CHD7: variants seen among roughly 807,000 people sequenced by gnomAD.
CHD7 encodes the protein ATP-dependent chromatin remodeler CHD7.
A neutral mutation model predicts 307.3 loss-of-function variants in CHD7; 24 were observed. That is an observed-to-expected ratio of 0.08 (90% CI 0.06 to 0.11). The LOEUF is 0.11. Among genes scored for constraint, CHD7 ranks in the 10% least tolerant of loss-of-function variants. The pLI is 1.00. For missense variants in CHD7, 3,106 were observed against 3,727.1 expected (o/e 0.83, Z 4.34); for synonymous variants, 1,363 against 1,349.9 (o/e 1.01, Z -0.21).
At chr8:60,818,630 A>T (rs1165773638) in intron 8 of CHD7, among the ~76,000 whole-genome samples, 2 of 152,150 alleles carry the variant, frequency 1.3e-5, no homozygotes, top group Non-Finnish European at 2.9e-5. Flanking sequence ...AGCCTGAGAT[A>T]CTTGAGACAT....
chr8:60,720,615 A>G (rs919538197), intron 1 of CHD7, among the ~76,000 whole-genome samples: 1 of 152,138 alleles, frequency 6.6e-6, no homozygotes, highest in Non-Finnish European at 1.5e-5. Flanking sequence ...ACTGAATATC[A>G]TCTCCGTGAG....
chr8:60,750,769 A>G (rs1357207850), intron 2 of CHD7, among the ~76,000 whole-genome samples: 1 of 152,176 alleles, frequency 6.6e-6, no homozygotes, highest in African/African-American at 2.4e-5. Context: ...TAAACAGCAC[A>G]TGCTAGACTC....
At chr8:60,725,033 C>A (rs1406721409) in intron 1 of CHD7, among the ~76,000 whole-genome samples, 1 of 152,168 alleles carries the variant, frequency 6.6e-6, no homozygotes, top group Non-Finnish European at 1.5e-5. Flanking sequence ...TTTAAAAGAA[C>A]TGTTATCTTT....
In CHD7 at chr8:60,775,363, T is replaced by TA. The variant is rs137934348; in HGVS notation, c.1666-5637_1666-5636insA. On this transcript the variant is annotated intron_variant, in intron 2 of 37. Transcript: ENST00000423902. ...ATTCTTATATGCTTATACTACTTTA[T>TA]TCCTACCAGTAACTTAAATTGAGAA... 9.3e-5 allele frequency among the ~76,000 whole-genome samples: 14 copies of TA among 151,292 alleles called. No individual in the cohort carries two copies. The East Asian group carries it at 1.4e-3, about 15-fold the overall frequency.
chr8:60,806,762 G>T (rs1312749713), intron 6 of CHD7, among the ~76,000 whole-genome samples: 1 of 152,144 alleles, frequency 6.6e-6, no homozygotes. Context: ...CATCACTTTG[G>T]GAGGCTGAGA....
chr8:60,693,987 C>G (rs1287289430), intron 1 of CHD7, among the ~76,000 whole-genome samples: 1 of 152,248 alleles, frequency 6.6e-6, no homozygotes, highest in Non-Finnish European at 1.5e-5. Context: ...TTTCAGAAAG[C>G]TGGGTCTATC....
intron 2 of CHD7, among the ~76,000 whole-genome samples, chr8:60,780,669 T>C (rs1282714729): frequency 6.6e-6 from 1 of 152,244 alleles, no homozygotes; most frequent in African/African-American, 2.4e-5. Flanking sequence ...GGCTTAGTCT[T>C]GGTGCTGTTT....
chr8:60,810,380 A>AGAGTGTGTGT lies in CHD7; in HGVS notation c.2498+2109_2498+2110insAGTGTGTGTG, dbSNP rs534826288. On this transcript the variant is annotated intron_variant, in intron 7 of 37. Coordinates refer to ENST00000423902, the MANE Select transcript of CHD7 (RefSeq NM_017780.4). ...GTGGATAGGACTGGGAGAGAGAGAG[A>AGAGTGTGTGT]GTGTGTGTGTGTGTGTGTGTGTGTG... Among the ~76,000 whole-genome samples the AGAGTGTGTGT allele has an allele frequency of 2.4e-3, 355 of 146,080 alleles. 1 individual carries two copies. Among genetic ancestry groups the AGAGTGTGTGT allele is most frequent in the Non-Finnish European group, 3.9e-3 (258 of 66,498 alleles).
chr8:60,777,218 A>G (rs777702897), intron 2 of CHD7, among the ~76,000 whole-genome samples: 1 of 152,108 alleles, frequency 6.6e-6, no homozygotes, highest in Non-Finnish European at 1.5e-5. Context: ...TTTGTATGTA[A>G]ATAAACATGT....
Position 60,848,620 on chromosome 8 carries a change from C to T in CHD7, c.5300+16C>T. 1 of 1,590,996 alleles carries T rather than the reference C, an allele frequency of 6.3e-7. No individual in the cohort carries two copies. Among genetic ancestry groups the T allele is most frequent in the African/African-American group, 1.3e-5 (1 of 74,576 alleles). On this transcript the variant is annotated intron_variant, in intron 24 of 37. Transcript: ENST00000423902. The stretch of plus-strand genomic sequence containing the variant: ...CTGACTCAAGGTTAGTGCGAGCTCA[C>T]ATTTGTTCTCAACCTCAGTGAGATA...
intron 1 of CHD7, among the ~76,000 whole-genome samples, chr8:60,717,366 A>C (rs188026987): frequency 1.1e-3 from 170 of 152,352 alleles, no homozygotes; most frequent in African/African-American, 3.7e-3. Context: ...CTGAGGGCAC[A>C]AAGTTATTTC....
intron 15 of CHD7, among the ~76,000 whole-genome samples, chr8:60,835,583 A>G (rs1017819318): frequency 1.3e-5 from 2 of 152,222 alleles, no homozygotes; most frequent in Middle Eastern, 3.2e-3. Context: ...CTATATTAAT[A>G]TGCAATTATA....
intron 4 of CHD7, among the ~76,000 whole-genome samples, chr8:60,798,736 C>A (rs898303314): frequency 6.6e-6 from 1 of 152,046 alleles, no homozygotes; most frequent in Admixed American, 6.5e-5. Context: ...ATTTTTATTT[C>A]TTCTTTGTGC....
At chr8:60,706,508 A>G (rs1416740106) in intron 1 of CHD7, among the ~76,000 whole-genome samples, 2 of 152,194 alleles carry the variant, frequency 1.3e-5, no homozygotes, top group Non-Finnish European at 2.9e-5. Flanking sequence ...GTAATACTAG[A>G]CTACTTGTTA....
chr8:60,784,834 A>G (rs987600088), intron 3 of CHD7, among the ~76,000 whole-genome samples: 3 of 152,234 alleles, frequency 2.0e-5, no homozygotes, highest in African/African-American at 4.8e-5. Context: ...AGAAAAAGAC[A>G]TGTAAAACCT....
At chr8:60,789,451 A>C (rs957979269) in intron 3 of CHD7, among the ~76,000 whole-genome samples, 2 of 152,212 alleles carry the variant, frequency 1.3e-5, no homozygotes, top group African/African-American at 4.8e-5. Context: ...ATTTTTCCCA[A>C]TATGGTGAGA....
intron 1 of CHD7, among the ~76,000 whole-genome samples, chr8:60,723,428 A>G (rs1429369100): frequency 1.3e-5 from 2 of 152,142 alleles, no homozygotes; most frequent in African/African-American, 4.8e-5. Flanking sequence ...CAGTTATGCA[A>G]TCTGCTTCTC....
intron 7 of CHD7, among the ~76,000 whole-genome samples, chr8:60,811,894 T>C (rs1812826422): frequency 6.6e-6 from 1 of 152,234 alleles, no homozygotes; most frequent in African/African-American, 2.4e-5. Context: ...CAGTTGAGGT[T>C]TTAATTAGCA....
intron 15 of CHD7, among the ~76,000 whole-genome samples, chr8:60,835,298 T>A (rs905684176): frequency 1.3e-5 from 2 of 152,208 alleles, no homozygotes; most frequent in African/African-American, 4.8e-5. Context: ...CTCTTTCCAA[T>A]GTACCCAAGT....
Sources: allele counts gnomAD v4.1 joint callset (sites outside exome capture counted in the v4.1 genomes callset), GRCh38; gene constraint gnomAD v4.1.1; transcripts MANE v1.5; gene names NCBI Gene and HGNC (gene_info 2026-07-23, HGNC 2026-07-21).